Variants in ADCY5 observed in about 807,000 individuals in gnomAD.
The protein encoded by ADCY5 is adenylate cyclase type 5.
In ADCY5, 30 loss-of-function variants were observed where a neutral mutation model predicts 119.7. The observed-to-expected ratio is 0.25, with a 90% CI of 0.19 to 0.34. The LOEUF (loss-of-function observed/expected upper bound fraction) is 0.34. ADCY5 is among the 10% of genes least tolerant of loss of function. The pLI is 1.00. For synonymous variants in ADCY5, 753 were observed against 762.2 expected, an observed-to-expected ratio of 0.99 and a Z score of 0.20; for missense variants, 1,324 against 1,775.2, an observed-to-expected ratio of 0.75 and a Z score of 4.57.
intron 14 of ADCY5, among the ~76,000 whole-genome samples, chr3:123,300,916 T>C (rs3934729): frequency 0.44 from 66,640 of 152,010 alleles, 15,157 homozygotes; most frequent in East Asian, 0.7. Flanking sequence ...GACCATTTCA[T>C]GATCAGACTC....
rs773213303 is a variant in ADCY5, at chr3:123,297,396, T to C, written c.2901-14A>G. The C allele has an allele frequency of 1.7e-5, 28 of 1,613,688 alleles. No homozygotes were observed. Among genetic ancestry groups the C allele is most frequent in the Non-Finnish European group, 2.2e-5 (26 of 1,179,848 alleles). ...TTGAAGAAGTCTCTGTGAAGAGAGTTGGGGAAGACTGGTCAGGGCCACCCT... is the reference window on the plus strand; with the variant it reads ...TTGAAGAAGTCTCTGTGAAGAGAGTCGGGGAAGACTGGTCAGGGCCACCCT... On this transcript the variant is annotated splice_polypyrimidine_tract_variant and intron_variant, in intron 15 of 20. Transcript: ENST00000462833.
At chr3:123,403,068 A>C (rs1281939262) in intron 1 of ADCY5, among the ~76,000 whole-genome samples, 1 of 151,890 alleles carries the variant, frequency 6.6e-6, no homozygotes, top group Non-Finnish European at 1.5e-5. Flanking sequence ...GCATCTTGCA[A>C]TGTCTTGAGC....
chr3:123,426,032 A>G (rs1869861), intron 1 of ADCY5, among the ~76,000 whole-genome samples: 150,840 of 152,310 alleles, frequency 0.99, 74,712 homozygotes, highest in Middle Eastern at 1. Flanking sequence ...GACAGACCCC[A>G]GGTCATTTAT....
chr3:123,419,021 C>T (rs943329855), intron 1 of ADCY5: 5 of 505,738 alleles, frequency 9.9e-6, no homozygotes, highest in African/African-American at 6.3e-5. Flanking sequence ...CTCCAGCTTA[C>T]AGACAACAGC....
intron 1 of ADCY5, among the ~76,000 whole-genome samples, chr3:123,372,655 G>A (rs1406198726): frequency 6.6e-6 from 1 of 152,152 alleles, no homozygotes; most frequent in Non-Finnish European, 1.5e-5. Flanking sequence ...CTGGGTGCCT[G>A]TGCCCCACAC....
chr3:123,334,363 A>G (rs931310416), intron 3 of ADCY5, among the ~76,000 whole-genome samples: 3 of 152,226 alleles, frequency 2.0e-5, no homozygotes, highest in African/African-American at 7.2e-5. Context: ...AAGGCTCCAG[A>G]ACCATGTTTC....
chr3:123,308,169 G>C (rs993919115), intron 12 of ADCY5, among the ~76,000 whole-genome samples: 3 of 151,474 alleles, frequency 2.0e-5, no homozygotes, highest in Non-Finnish European at 4.4e-5. Context: ...GAGTAGCTGG[G>C]ACTACAGGCG....
intron 7 of ADCY5, among the ~76,000 whole-genome samples, chr3:123,326,495 G>C (rs1296124384): frequency 2.0e-5 from 3 of 152,214 alleles, no homozygotes; most frequent in Non-Finnish European, 4.4e-5. Flanking sequence ...CCAGCTAAAA[G>C]AACCAAGAGC....
intron 12 of ADCY5, among the ~76,000 whole-genome samples, chr3:123,306,483 A>G (rs1380799559): frequency 6.6e-6 from 1 of 152,278 alleles, no homozygotes; most frequent in East Asian, 1.9e-4. Context: ...ATGGTTTCTT[A>G]GAGGTGACAC....
chr3:123,383,617 C>G (rs999118310), intron 1 of ADCY5, among the ~76,000 whole-genome samples: 12 of 152,176 alleles, frequency 7.9e-5, no homozygotes, highest in African/African-American at 2.9e-4. Context: ...GGCAAAGTGC[C>G]CGCCCACGGG....
chr3:123,343,126 C>A (rs1360002352), intron 3 of ADCY5, among the ~76,000 whole-genome samples: 1 of 152,218 alleles, frequency 6.6e-6, no homozygotes, highest in Non-Finnish European at 1.5e-5. Context: ...CCCCTGGTCA[C>A]TAAACCCTAG....
At chr3:123,349,123 G>T (rs1228756774) in intron 2 of ADCY5, among the ~76,000 whole-genome samples, 2 of 152,106 alleles carry the variant, frequency 1.3e-5, no homozygotes, top group African/African-American at 4.8e-5. Flanking sequence ...GCCTCCAGCT[G>T]CCCACCTGGA....
intron 11 of ADCY5, 69 bp downstream of exon 11, chr3:123,317,951 C>CCA: frequency 1.4e-6 from 2 of 1,425,322 alleles, no homozygotes; most frequent in Non-Finnish European, 2.0e-6. Context: ...TCCTAAATGA[C>CCA]CACCCCCTCC....
At chr3:123,304,306 G>A in intron 12 of ADCY5, 123 bp from the exon 13 acceptor site, 2 of 679,426 alleles carry the variant, frequency 2.9e-6, no homozygotes, top group Non-Finnish European at 5.3e-6. Flanking sequence ...CATGACCCCT[G>A]GGCCTTCCTG....
At chr3:123,360,147 A>T (rs1275551937) in intron 1 of ADCY5, among the ~76,000 whole-genome samples, 1 of 152,086 alleles carries the variant, frequency 6.6e-6, no homozygotes, top group Non-Finnish European at 1.5e-5. Flanking sequence ...TTCACAAAGA[A>T]TCAAGATTGC....
At chr3:123,314,140 CG>C in intron 12 of ADCY5, 94 bp downstream of exon 12, 1 of 945,622 alleles carries the variant, frequency 1.1e-6, no homozygotes, top group East Asian at 2.6e-5. Context: ...GCACAATACT[CG>C]GGCCCCTTCA....
At chr3:123,374,815 G>A (rs889913202) in intron 1 of ADCY5, among the ~76,000 whole-genome samples, 3 of 152,204 alleles carry the variant, frequency 2.0e-5, no homozygotes, top group Non-Finnish European at 2.9e-5. Flanking sequence ...GGAAGTACTG[G>A]CAAGATTTGG....
At chr3:123,426,299 G>GTTTTTTTTTT (rs750760543) in intron 1 of ADCY5, among the ~76,000 whole-genome samples, 2 of 97,988 alleles carry the variant, frequency 2.0e-5, no homozygotes, top group African/African-American at 3.4e-5. Flanking sequence ...TTTCTTTTGT[G>GTTTTTTTTTT]TTTTTTTTTT....
Position 123,448,468 on chromosome 3 carries a change from G to T in ADCY5, c.78C>A (p.Pro26=). ...CCTCGCCCCACGCAGAGCGGTGTTC[G>T]GGGCCTCCCCGGGGCGCCGGCGCCG... is the stretch of plus-strand genomic sequence containing the variant. ...KTAAPAPRGG[P]EHRSAWGEAD... is the part of the protein sequence containing the mutation. Residue 26 remains proline (P), a synonymous_variant, in exon 1 of 21, where the codon CCC becomes CCA. Coordinates refer to ENST00000462833, the MANE Select transcript of ADCY5 (RefSeq NM_183357.3). 7.8e-7 allele frequency: 1 copy of T among 1,276,116 alleles called. No individual in the cohort carries two copies. The highest frequency in any genetic ancestry group is 9.9e-7 in the Non-Finnish European group (1 of 1,012,988). 79.0% of individuals were successfully genotyped at this position (1,276,116 alleles called of 1,614,324 possible).
Sources: allele counts gnomAD v4.1 joint callset (sites outside exome capture counted in the v4.1 genomes callset), GRCh38; gene constraint gnomAD v4.1.1; transcripts MANE v1.5; gene names NCBI Gene and HGNC (gene_info 2026-07-23, HGNC 2026-07-21).